Variants in NOD1 observed in about 807,000 individuals in gnomAD.
NOD1 encodes the protein nucleotide-binding oligomerization domain-containing protein 1.
In NOD1, 70 loss-of-function variants were observed where a neutral mutation model predicts 81.2. The observed-to-expected ratio is 0.86, with a 90% confidence interval of 0.71 to 1.05. The LOEUF is 1.05. Among genes scored for constraint, NOD1 ranks in the 50% least tolerant of loss-of-function variants. NOD1 has a pLI of 0.00. For synonymous variants in NOD1, 508 were observed against 526.9 expected, an observed-to-expected ratio of 0.96 and a Z score of 0.49; for missense variants, 1,233 against 1,228.0, an observed-to-expected ratio of 1.00 and a Z score of -0.06.
chr7:30,446,073 G>A, intron 9 of NOD1, 68 bp downstream of exon 9: 1 of 1,238,978 alleles, frequency 8.1e-7, no homozygotes, highest in Non-Finnish European at 1.2e-6. Flanking sequence ...TGTATGAAAA[G>A]AACAGCAAGG....
chr7:30,469,524 A>ATG (rs1458633500), intron 1 of NOD1, among the ~76,000 whole-genome samples: 3 of 152,160 alleles, frequency 2.0e-5, no homozygotes, highest in Non-Finnish European at 2.9e-5. Context: ...GACACAGCCA[A>ATG]CGTCAGCATT....
intron 1 of NOD1, chr7:30,460,330 G>C (rs558716413): frequency 7.7e-5 from 76 of 985,296 alleles, no homozygotes; most frequent in Admixed American, 4.3e-4. Context: ...GGCCCTGGGG[G>C]GCAATCCTTT....
intron 1 of NOD1, among the ~76,000 whole-genome samples, chr7:30,472,947 A>G (rs1400952283): frequency 6.6e-6 from 1 of 152,230 alleles, no homozygotes; most frequent in East Asian, 1.9e-4. Context: ...CCAAGTACTT[A>G]GTAGACTCCT....
In NOD1 at chr7:30,451,549, T is replaced by C; in HGVS notation, c.1868A>G (p.His623Arg). ...LRRKRKALWAHLFSSLRGYLK... is the reference protein window; with the variant it reads ...LRRKRKALWARLFSSLRGYLK... Reference sequence around the variant, plus strand: ...GTAGCCCCGCAGGCTGGAAAACAGGTGTGCCCACAGGGCCTTGCGCTTTCT... The same window carrying C: ...GTAGCCCCGCAGGCTGGAAAACAGGCGTGCCCACAGGGCCTTGCGCTTTCT... The change falls in exon 6 of 14, where the codon CAC becomes CGC. Residue 623 changes from histidine (H) to arginine (R), a missense_variant. Transcript: ENST00000222823. This position sits in a 1 kb window ranked among gnomAD's most constrained non-coding sequence, Gnocchi z 4.2. 6.2e-7 allele frequency: 1 copy of C among 1,613,210 alleles called. No individual in the cohort carries two copies. Among genetic ancestry groups the C allele is most frequent in the Non-Finnish European group, 8.5e-7 (1 of 1,179,786 alleles).
intron 12 of NOD1, among the ~76,000 whole-genome samples, chr7:30,430,707 T>G (rs74758916): frequency 0.12 from 18,471 of 152,114 alleles, 2,980 homozygotes; most frequent in African/African-American, 0.37. Flanking sequence ...ACTATAAGAG[T>G]GCCCCCCATC....
chr7:30,428,322 A>C (rs1304124839), intron 13 of NOD1, among the ~76,000 whole-genome samples: 1 of 152,124 alleles, frequency 6.6e-6, no homozygotes, highest in Non-Finnish European at 1.5e-5. Flanking sequence ...TGGCCTCCCA[A>C]AGTGCTGGTA....
intron 1 of NOD1, among the ~76,000 whole-genome samples, chr7:30,465,577 A>T (rs1253710132): frequency 6.6e-6 from 1 of 152,160 alleles, no homozygotes. Context: ...ACCTCAAGAA[A>T]GTCATTTCCC....
Position 30,455,143 on chromosome 7 carries a change from C to T in NOD1, c.370G>A (p.Asp124Asn), listed in dbSNP as rs753119742. ...TGCTGGGGCTGACTCCTACCTGGGT[C>T]AGTGTTGACCACGACTTTGCTCTGA... is the stretch of plus-strand genomic sequence containing the variant. The part of the protein sequence containing the change: ...LTQSKVVVNT[D>N]PVSRYTQQLR... Residue 124 changes from aspartate (D) to asparagine (N), a missense_variant, in exon 5 of 14, where the codon GAC (aspartate) becomes AAC (asparagine). Asp to Asn is a conservative substitution (Grantham distance 23). Coordinates refer to ENST00000222823, the MANE Select transcript of NOD1 (RefSeq NM_006092.4). 6.2e-7 allele frequency: 1 copy of T among 1,613,802 alleles called. No individual in the cohort carries two copies. The highest frequency in any genetic ancestry group is 1.1e-5 in the South Asian group (1 of 91,040).
At chr7:30,447,446 T>C in intron 7 of NOD1, 1 of 248,474 alleles carries the variant, frequency 4.0e-6, no homozygotes, top group Middle Eastern at 1.5e-3. Flanking sequence ...AAGAAAAGAT[T>C]CTGAATATTA....
chr7:30,434,624 T>C (rs1784235356), intron 11 of NOD1, among the ~76,000 whole-genome samples: 1 of 152,370 alleles, frequency 6.6e-6, no homozygotes, highest in South Asian at 2.1e-4. Context: ...AAGGTTATTT[T>C]GGAAAACACA....
In NOD1 at chr7:30,425,498, G is replaced by T. The variant is rs1413783037; in HGVS notation, c.*140C>A. On this transcript the variant is annotated 3_prime_UTR_variant, in exon 14 of 14. Transcript: ENST00000222823. The stretch of plus-strand genomic sequence containing the variant: ...ACCAGACCTTCTGCACAGGAAGCTG[G>T]CTTGCATCATGGAGGCAGTGGACTC... 4 of 680,216 alleles carry T rather than the reference G, an allele frequency of 5.9e-6. No homozygotes were observed. Among genetic ancestry groups the T allele is most frequent in the Non-Finnish European group, 1.1e-5 (4 of 373,696 alleles). The allele number at this position is 680,216 out of a possible 1,614,324, so 42.1% of individuals were successfully genotyped here. A position where few individuals can be genotyped will look rare whatever the true frequency, so the allele number is the denominator to read the frequency against.
intron 1 of NOD1, among the ~76,000 whole-genome samples, chr7:30,461,618 G>A (rs980357979): frequency 6.6e-6 from 1 of 152,226 alleles, no homozygotes; most frequent in Non-Finnish European, 1.5e-5. Context: ...ATGCGGCCAG[G>A]GGCTACTCAA....
rs770850180 is a variant in NOD1 at position 30,452,490 on chromosome 7, G to A, written c.927C>T (p.His309=). The A allele has an allele frequency of 1.9e-6, 3 of 1,613,136 alleles. No individual in the cohort carries two copies. The highest frequency in any genetic ancestry group is 2.2e-5 in the East Asian group (1 of 44,890). ...PDSSCPWEPA[H]PLVLLANLLS... is the part of the protein sequence containing the mutation. Reference sequence around the variant, plus strand: ...GCAGGTTGGCCAGCAAGACCAGGGGGTGGGCAGGCTCCCAGGGGCAGGAGC... The same window carrying A: ...GCAGGTTGGCCAGCAAGACCAGGGGATGGGCAGGCTCCCAGGGGCAGGAGC... The change falls in exon 6 of 14, where the codon CAC becomes CAT. Residue 309 remains histidine (H), a synonymous_variant. Transcript: ENST00000222823.
intron 13 of NOD1, among the ~76,000 whole-genome samples, chr7:30,428,830 G>A (rs1422204617): frequency 6.6e-6 from 1 of 152,182 alleles, no homozygotes; most frequent in Admixed American, 6.5e-5. Context: ...TGGGAGGCAA[G>A]AAAGAAGTGG....
chr7:30,455,226 G>A lies in NOD1; in HGVS notation c.287C>T (p.Ala96Val), dbSNP rs902941750. The A allele has an allele frequency of 6.2e-7, 1 of 1,614,026 alleles. No homozygotes were observed. The highest frequency in any genetic ancestry group is 1.3e-5 in the African/African-American group (1 of 74,914). Reference protein sequence around the residue: ...FLYLLQQLADAYVDLRPWLLE... With the variant: ...FLYLLQQLADVYVDLRPWLLE... ...CAGCCAAGGCCTGAGGTCCACGTAG[G>A]CATCTGCGAGTTGCTGGAGCAAGTA... Residue 96 changes from alanine to valine, a missense_variant, in exon 5 of 14, where the codon GCC (alanine) becomes GTC (valine). Physicochemically the swap from Ala to Val is moderately conservative, Grantham distance 64. Coordinates refer to ENST00000222823, the MANE Select transcript of NOD1 (RefSeq NM_006092.4).
At chr7:30,458,070 A>G (rs533390828) in intron 3 of NOD1, among the ~76,000 whole-genome samples, 34 of 152,264 alleles carry the variant, frequency 2.2e-4, no homozygotes, top group African/African-American at 8.2e-4. Flanking sequence ...AAACCCTTGA[A>G]AACCTGGTAC....
chr7:30,436,966 A>C (rs1295629049), intron 10 of NOD1, among the ~76,000 whole-genome samples: 1 of 152,240 alleles, frequency 6.6e-6, no homozygotes, highest in Non-Finnish European at 1.5e-5. Context: ...AAAGACTTGG[A>C]ACCAACCCAA....
chr7:30,478,267 AC>A lies in NOD1; in HGVS notation c.-352+338del, dbSNP rs756587223. ...TAAAAGATACGGAGGCCTGGGTCTG[AC>A]TCCGTGAGATTCTGATGGAATTGAT... On this transcript the variant is annotated intron_variant, in intron 1 of 13. Transcript: ENST00000222823. This position sits in a 1 kb window ranked among gnomAD's most constrained non-coding sequence, Gnocchi z 4.1. Among the ~76,000 whole-genome samples, 30 of 151,332 alleles carry A rather than the reference AC, an allele frequency of 2.0e-4. No homozygotes were observed. Among genetic ancestry groups the A allele is most frequent in the Non-Finnish European group, 4.0e-4 (27 of 67,898 alleles).
rs868154715 is a variant in NOD1 at position 30,456,701 on chromosome 7, C to T, written c.201+20G>A. On this transcript the variant is annotated intron_variant, in intron 4 of 13. Transcript: ENST00000222823. ...CCCGGGGTCCACACAATGCCATGCC[C>T]GTCCCTGTCCCCGGGGCACCTTGTC... 7 of 1,610,620 alleles carry T rather than the reference C, an allele frequency of 4.3e-6. No homozygotes were observed. The highest frequency in any genetic ancestry group is 3.4e-6 in the Non-Finnish European group (4 of 1,177,810).
Sources: gnomAD v4.1 joint callset for allele counts (sites outside exome capture counted in the v4.1 genomes callset) on GRCh38, gnomAD v4.1.1 for gene constraint, Gnocchi (gnomAD v3.1) non-coding constraint, MANE v1.5 for transcripts, NCBI Gene and HGNC (gene_info 2026-07-23, HGNC 2026-07-21) for gene names.